Variants in IQGAP1 observed in about 807,000 individuals in gnomAD.
IQGAP1 encodes IQ motif containing GTPase activating protein 1.
Under a neutral mutation model 215.6 loss-of-function variants are expected in IQGAP1, and 66 were observed. The ratio of observed to expected loss-of-function variants is 0.31; its 90% CI spans 0.25 to 0.38. The LOEUF is 0.38. Ranked by LOEUF, IQGAP1 falls within the 10% of genes least tolerant of loss-of-function variation. The pLI, the probability that IQGAP1 is intolerant of heterozygous loss-of-function variation, is 1.00. For synonymous variants in IQGAP1, 772 were observed against 728.7 expected, an observed-to-expected ratio of 1.06 and a Z score of -0.96; for missense variants, 1,712 against 1,997.1, an observed-to-expected ratio of 0.86 and a Z score of 2.72.
chr15:90,461,905 T>C (rs1847858), intron 15 of IQGAP1, among the ~76,000 whole-genome samples: 86,660 of 150,674 alleles, frequency 0.58, 26,749 homozygotes, highest in East Asian at 0.83. Flanking sequence ...TTTGGGAGGC[T>C]GAGGCAGGTG....
At chr15:90,417,804 A>G (rs1344065384) in intron 2 of IQGAP1, among the ~76,000 whole-genome samples, 3 of 152,192 alleles carry the variant, frequency 2.0e-5, no homozygotes, top group East Asian at 1.9e-4. Flanking sequence ...TACCTTGCTC[A>G]GTATGGCCAT....
chr15:90,474,033 A>G, intron 21 of IQGAP1, 31 bp from the exon 22 acceptor site: 1 of 1,586,902 alleles, frequency 6.3e-7, no homozygotes. Flanking sequence ...AGACAGATGA[A>G]CAGAGAAATT....
chr15:90,454,615 G>A, intron 14 of IQGAP1, 63 bp downstream of exon 14: 2 of 1,480,384 alleles, frequency 1.4e-6, no homozygotes, highest in Non-Finnish European at 1.8e-6. Flanking sequence ...ATTCCATGAA[G>A]TGGTTCAAAA....
At chr15:90,495,252 T>C (rs889016109) in intron 36 of IQGAP1, among the ~76,000 whole-genome samples, 6 of 152,218 alleles carry the variant, frequency 3.9e-5, no homozygotes, top group Admixed American at 3.3e-4. Context: ...ACGTGGTTCA[T>C]GGACCTGACA....
At chr15:90,475,023 G>T (rs1280208963) in intron 23 of IQGAP1, among the ~76,000 whole-genome samples, 3 of 135,792 alleles carry the variant, frequency 2.2e-5, no homozygotes, top group African/African-American at 8.5e-5. Context: ...TTTGCTGACG[G>T]AGTTTCCCTC....
intron 2 of IQGAP1, among the ~76,000 whole-genome samples, 177 bp from the exon 3 acceptor site, chr15:90,425,933 G>A (rs186478337): frequency 3.3e-5 from 5 of 152,316 alleles, no homozygotes; most frequent in East Asian, 1.9e-4. Flanking sequence ...TAAGTTCCCC[G>A]CCTCTGAGAT....
chr15:90,400,218 A>G (rs542182453), intron 2 of IQGAP1, among the ~76,000 whole-genome samples: 15 of 152,162 alleles, frequency 9.9e-5, no homozygotes, highest in Non-Finnish European at 1.6e-4. Flanking sequence ...GATTAGTTAG[A>G]TCTGTGTAGT....
chr15:90,425,649 A>G (rs1965211142), intron 2 of IQGAP1, among the ~76,000 whole-genome samples: 1 of 152,180 alleles, frequency 6.6e-6, no homozygotes, highest in South Asian at 2.1e-4. Context: ...CCCCCAAGCA[A>G]CCTTAAAACT....
chr15:90,465,475 C>T, intron 15 of IQGAP1, among the ~76,000 whole-genome samples: 1 of 152,136 alleles, frequency 6.6e-6, no homozygotes, highest in South Asian at 2.1e-4. Flanking sequence ...TAATCTTCAC[C>T]TACATGTGAG....
At chr15:90,448,178 T>C (rs1033314949) in intron 9 of IQGAP1, among the ~76,000 whole-genome samples, 2 of 152,216 alleles carry the variant, frequency 1.3e-5, no homozygotes, top group African/African-American at 4.8e-5. Flanking sequence ...ATGTAGTAAG[T>C]GGCCACGGGA....
At chr15:90,417,842 T>G (rs1965075413) in intron 2 of IQGAP1, among the ~76,000 whole-genome samples, 1 of 152,256 alleles carries the variant, frequency 6.6e-6, no homozygotes, top group South Asian at 2.1e-4. Context: ...TTCCTATCCA[T>G]GAGCATGGAA....
At chr15:90,457,948 G>A (rs1276485414) in intron 15 of IQGAP1, among the ~76,000 whole-genome samples, 1 of 152,164 alleles carries the variant, frequency 6.6e-6, no homozygotes, top group Non-Finnish European at 1.5e-5. Context: ...ACTTTAGTAC[G>A]TTGATAGAAT....
chr15:90,486,117 A>G lies in IQGAP1; in HGVS notation c.4009A>G (p.Ile1337Val), dbSNP rs753502137. The G allele has an allele frequency of 6.2e-7, 1 of 1,613,326 alleles. No homozygotes were observed. The highest frequency in any genetic ancestry group is 1.1e-5 in the South Asian group (1 of 90,928). Residue 1337 changes from isoleucine to valine, a missense_variant, in exon 31 of 38, where the codon ATC (isoleucine) becomes GTC (valine). Transcript: ENST00000268182. ...GGACGACCTCGGCGAGGTGCCCACC[A>G]TCGAGTCCCTGATAGGTAGAGTTCT... is the stretch of plus-strand genomic sequence containing the variant. ...LLDDLGEVPT[I>V]ESLIGESSGN...
intron 37 of IQGAP1, 75 bp from the exon 38 acceptor site, chr15:90,499,920 G>A: frequency 2.1e-6 from 2 of 971,188 alleles, no homozygotes; most frequent in Admixed American, 1.9e-5. Flanking sequence ...CCTACATTGT[G>A]TCCTTTTTCC....
chr15:90,476,919 C>T (rs1965988082), intron 24 of IQGAP1, 101 bp downstream of exon 24: 2 of 1,388,574 alleles, frequency 1.4e-6, no homozygotes, highest in South Asian at 1.3e-5. Flanking sequence ...TTGACTTCCA[C>T]TGAGGGGTGA....
At position 90,406,703 on chromosome 15, in the gene IQGAP1, G is replaced by A. The variant is rs114785828; in HGVS notation, c.155+15830G>A. Among the ~76,000 whole-genome samples the A allele has an allele frequency of 4.6e-3, 693 of 152,266 alleles. 3 individuals carry two copies. Among genetic ancestry groups the A allele is most frequent in the African/African-American group, 0.016 (668 of 41,562 alleles). On this transcript the variant is annotated intron_variant, in intron 2 of 37. Coordinates refer to ENST00000268182, the MANE Select transcript of IQGAP1 (RefSeq NM_003870.4). ...GTCAGTGATGTGTCAGTGAAGTTAG[G>A]ATTTTACTTGTTTCTAGAGAGATAG...
chr15:90,468,794 GCA>G (rs1166977020), intron 18 of IQGAP1, among the ~76,000 whole-genome samples: 1 of 152,056 alleles, frequency 6.6e-6, no homozygotes, highest in African/African-American at 2.4e-5. Flanking sequence ...TCACAGCAGT[GCA>G]CTCCAGCCTG....
At chr15:90,498,471 T>A (rs919873773) in intron 37 of IQGAP1, among the ~76,000 whole-genome samples, 2 of 152,180 alleles carry the variant, frequency 1.3e-5, no homozygotes, top group African/African-American at 4.8e-5. Context: ...TTTTTAAATT[T>A]TTTAACCAAA....
At chr15:90,404,391 T>G (rs1248242561) in intron 2 of IQGAP1, among the ~76,000 whole-genome samples, 3 of 152,228 alleles carry the variant, frequency 2.0e-5, no homozygotes, top group Non-Finnish European at 4.4e-5. Context: ...TTTTGGATTA[T>G]CTAATTATGA....
Sources: gnomAD v4.1 joint callset for allele counts (sites outside exome capture counted in the v4.1 genomes callset) on GRCh38, gnomAD v4.1.1 for gene constraint, MANE v1.5 for transcripts, NCBI Gene and HGNC (gene_info 2026-07-23, HGNC 2026-07-21) for gene names.